DSCAM: variants seen among roughly 807,000 people sequenced by gnomAD.
DSCAM encodes DS cell adhesion molecule.
In DSCAM, 47 loss-of-function variants were observed where a neutral mutation model predicts 217.7. The observed-to-expected ratio is 0.22, with a 90% CI of 0.17 to 0.28. The LOEUF (loss-of-function observed/expected upper bound fraction) is 0.28. Ranked by LOEUF, DSCAM falls within the 10% of genes least tolerant of loss-of-function variation. DSCAM has a pLI of 1.00. For missense variants in DSCAM, 2,080 were observed against 2,618.3 expected (o/e 0.79, Z 4.49); for synonymous variants, 1,056 against 1,015.3 (o/e 1.04, Z -0.76).
chr21:40,683,998 G>A (rs1057470451), intron 3 of DSCAM, among the ~76,000 whole-genome samples: 4 of 151,978 alleles, frequency 2.6e-5, no homozygotes, highest in East Asian at 2.0e-4. Context: ...AGGCCGAGGC[G>A]GGCAGATCAC....
intron 8 of DSCAM, among the ~76,000 whole-genome samples, chr21:40,326,195 A>C (rs889295053): frequency 6.6e-6 from 1 of 152,240 alleles, no homozygotes; most frequent in African/African-American, 2.4e-5. Context: ...TTGCATGGAC[A>C]GATGATAATG....
chr21:40,133,691 A>G (rs914557094), intron 19 of DSCAM, among the ~76,000 whole-genome samples, 163 bp downstream of exon 19: 4 of 152,214 alleles, frequency 2.6e-5, no homozygotes, highest in Non-Finnish European at 5.9e-5. Flanking sequence ...AAGCAAAGGC[A>G]AGAGAGGAAG....
intron 1 of DSCAM, among the ~76,000 whole-genome samples, chr21:40,783,292 T>A (rs939180459): frequency 6.6e-6 from 1 of 152,320 alleles, no homozygotes; most frequent in South Asian, 2.1e-4. Context: ...CTCTTCAGTG[T>A]TGACCAGCAC....
At chr21:40,354,243 CAT>C (rs1318631312) in intron 4 of DSCAM, among the ~76,000 whole-genome samples, 9 of 152,132 alleles carry the variant, frequency 5.9e-5, no homozygotes, top group Middle Eastern at 6.8e-3. Flanking sequence ...AAAAGCCAAA[CAT>C]ATAATGTGAT....
chr21:40,776,846 G>T (rs1356236102), intron 1 of DSCAM, among the ~76,000 whole-genome samples: 1 of 152,170 alleles, frequency 6.6e-6, no homozygotes, highest in African/African-American at 2.4e-5. Flanking sequence ...CAAGATGGTA[G>T]AATGAGCTAT....
At chr21:40,816,870 G>A (rs1461686085) in intron 1 of DSCAM, among the ~76,000 whole-genome samples, 1 of 151,888 alleles carries the variant, frequency 6.6e-6, no homozygotes, top group African/African-American at 2.4e-5. Flanking sequence ...CCAAAATAAA[G>A]CTAGAATACA....
chr21:40,158,850 A>G (rs118143825), intron 16 of DSCAM, among the ~76,000 whole-genome samples: 1,801 of 152,352 alleles, frequency 0.012, 16 homozygotes, highest in Non-Finnish European at 0.019. Flanking sequence ...GAACAGGAAG[A>G]GTTTATTACA....
chr21:40,365,058 A>G (rs1184566701), intron 4 of DSCAM, among the ~76,000 whole-genome samples: 2 of 151,054 alleles, frequency 1.3e-5, no homozygotes, highest in African/African-American at 4.9e-5. Flanking sequence ...ATGAGTATCT[A>G]TAATATATAA....
intron 3 of DSCAM, among the ~76,000 whole-genome samples, chr21:40,520,871 C>T (rs1051349340): frequency 6.6e-6 from 1 of 152,042 alleles, no homozygotes; most frequent in Non-Finnish European, 1.5e-5. Context: ...TAAGGAATTG[C>T]AAATCATTGT....
intron 3 of DSCAM, among the ~76,000 whole-genome samples, chr21:40,650,307 TATCAATTTCACA>T (rs1190738249): frequency 1.3e-5 from 2 of 152,212 alleles, no homozygotes; most frequent in Non-Finnish European, 2.9e-5. Context: ...ACAAGGTAGT[TATCAATTTCACA>T]AGGGTGGAGG....
chr21:40,335,688 T>C (rs1046191431), intron 8 of DSCAM, among the ~76,000 whole-genome samples: 2 of 152,198 alleles, frequency 1.3e-5, no homozygotes, highest in Non-Finnish European at 2.9e-5. Context: ...TCATTTGTAA[T>C]GGTCAAACAT....
intron 24 of DSCAM, among the ~76,000 whole-genome samples, chr21:40,082,232 G>A (rs910431376): frequency 3.3e-5 from 5 of 152,144 alleles, no homozygotes; most frequent in East Asian, 1.9e-4. Flanking sequence ...AAGCCAAGGC[G>A]GGTAGATCAC....
At chr21:40,210,367 TAA>T (rs534258881) in intron 11 of DSCAM, among the ~76,000 whole-genome samples, 29 of 152,320 alleles carry the variant, frequency 1.9e-4, no homozygotes, top group African/African-American at 6.5e-4. Context: ...TTTACAAAGC[TAA>T]AGTTTTGCAA....
intron 3 of DSCAM, among the ~76,000 whole-genome samples, chr21:40,482,350 A>T (rs534785827): frequency 5.3e-5 from 8 of 152,196 alleles, no homozygotes; most frequent in Non-Finnish European, 1.0e-4. Flanking sequence ...CTACATTGAA[A>T]ACACGTGCCT....
intron 3 of DSCAM, 71 bp downstream of exon 3, chr21:40,692,739 G>A (rs1010990061): frequency 2.1e-5 from 32 of 1,530,484 alleles, no homozygotes; most frequent in Admixed American, 5.3e-5. Flanking sequence ...ACGGAGACCC[G>A]ATTCCATCTC....
intron 3 of DSCAM, among the ~76,000 whole-genome samples, chr21:40,578,649 C>A (rs927525955): frequency 6.6e-6 from 1 of 152,210 alleles, no homozygotes; most frequent in Non-Finnish European, 1.5e-5. Flanking sequence ...CACAATAAAT[C>A]TTGCTGCCAC....
intron 3 of DSCAM, among the ~76,000 whole-genome samples, chr21:40,460,210 G>A (rs1398850268): frequency 1.3e-5 from 2 of 152,036 alleles, no homozygotes; most frequent in African/African-American, 2.4e-5. Context: ...GATAGGTGCA[G>A]CAAACCACCA....
intron 9 of DSCAM, among the ~76,000 whole-genome samples, chr21:40,310,359 C>A (rs1037406186): frequency 6.6e-6 from 1 of 152,218 alleles, no homozygotes; most frequent in Admixed American, 6.5e-5. Flanking sequence ...GAACCACAGT[C>A]CCACATCACC....
intron 3 of DSCAM, among the ~76,000 whole-genome samples, chr21:40,411,942 G>A (rs1191865731): frequency 6.6e-6 from 1 of 152,168 alleles, no homozygotes; most frequent in African/African-American, 2.4e-5. Flanking sequence ...AGGACCTGGT[G>A]GGAGTTGTTT....
Sources: allele counts gnomAD v4.1 joint callset (sites outside exome capture counted in the v4.1 genomes callset), GRCh38; gene constraint gnomAD v4.1.1; transcripts MANE v1.5; gene names NCBI Gene and HGNC (gene_info 2026-07-23, HGNC 2026-07-21).